Variants in ICA1L observed in about 807,000 individuals in gnomAD.
ICA1L encodes the protein islet cell autoantigen 1-like protein.
ICA1L carries 50 observed loss-of-function variants against 61.3 expected under a neutral mutation model. The observed-to-expected ratio is 0.82, with a 90% CI of 0.65 to 1.03. The LOEUF is 1.03. Among genes scored for constraint, ICA1L ranks in the 50% least tolerant of loss-of-function variants. The pLI is 0.00. For missense variants in ICA1L, 508 were observed against 556.7 expected, an observed-to-expected ratio of 0.91 and a Z score of 0.88; for synonymous variants, 161 against 191.3, an observed-to-expected ratio of 0.84 and a Z score of 1.31.
chr2:202,851,215 A>T (rs1357756869), intron 1 of ICA1L, among the ~76,000 whole-genome samples: 1 of 151,104 alleles, frequency 6.6e-6, no homozygotes, highest in Non-Finnish European at 1.5e-5. Flanking sequence ...CCTGTGACCA[A>T]GTGTTCTCAT....
intron 9 of ICA1L, among the ~76,000 whole-genome samples, chr2:202,806,841 C>A (rs1462295982): frequency 2.6e-5 from 4 of 152,036 alleles, no homozygotes; most frequent in Admixed American, 2.6e-4. Flanking sequence ...AGCCAGGATC[C>A]AAACTCAGAT....
chr2:202,848,294 A>G (rs1694521835), intron 1 of ICA1L, among the ~76,000 whole-genome samples: 1 of 152,152 alleles, frequency 6.6e-6, no homozygotes. Context: ...TTGGTTGACT[A>G]TGTGAAAGTG....
Position 202,774,074 on chromosome 2 carries a change from A to G in ICA1L, c.*5459T>C, listed in dbSNP as rs1574313152. The G allele has an allele frequency of 1.7e-5, 17 of 1,011,662 alleles. No homozygotes were observed. The East Asian group carries it at 4.2e-4, about 25-fold the overall frequency. 62.7% of individuals were successfully genotyped at this position (1,011,662 alleles called of 1,614,324 possible). A position where few individuals can be genotyped will look rare whatever the true frequency, so the allele number is the denominator to read the frequency against. On this transcript the variant is annotated 3_prime_UTR_variant, in exon 13 of 13. Transcript: ENST00000358299. The stretch of plus-strand genomic sequence containing the variant: ...CTTTGATGTGTCATCCTAGCTGCCT[A>G]ATATGATAATATTAGGAATCCCATC...
intron 1 of ICA1L, among the ~76,000 whole-genome samples, chr2:202,859,893 A>C (rs1694864843): frequency 6.6e-6 from 1 of 152,194 alleles, no homozygotes; most frequent in African/African-American, 2.4e-5. Flanking sequence ...AGAAAGCTAA[A>C]AATGGCAGGT....
chr2:202,868,057 TG>T (rs1687572508), intron 1 of ICA1L, among the ~76,000 whole-genome samples: 1 of 152,026 alleles, frequency 6.6e-6, no homozygotes, highest in Non-Finnish European at 1.5e-5. Context: ...TATGGGGTGA[TG>T]AAAAAGTTTT....
intron 12 of ICA1L, 96 bp downstream of exon 12, chr2:202,785,822 G>A: frequency 1.6e-6 from 1 of 638,262 alleles, no homozygotes; most frequent in Non-Finnish European, 2.7e-6. Context: ...TCAGGACAAT[G>A]AGGTGAAAAC....
rs1181279467 is a variant in ICA1L, at chr2:202,849,161, C to G, written c.-7-20145G>C. Among the ~76,000 whole-genome samples, 1 of 152,172 alleles carries G rather than the reference C, an allele frequency of 6.6e-6. No individual in the cohort carries two copies. The highest frequency in any genetic ancestry group is 1.5e-5 in the Non-Finnish European group (1 of 68,030). On this transcript the variant is annotated intron_variant, in intron 1 of 12. Transcript: ENST00000358299. This position sits in a 1 kb window ranked among gnomAD's most constrained non-coding sequence, Gnocchi z 4.5. Reference sequence around the variant, plus strand: ...AAGATTCCCACATGTGCCTATACCACCAGGGCCCTGGGTTTCAAGCACAAA... The same window carrying G: ...AAGATTCCCACATGTGCCTATACCAGCAGGGCCCTGGGTTTCAAGCACAAA...
At chr2:202,779,680 G>T (rs1389747948) in intron 12 of ICA1L, 32 bp from the exon 13 acceptor site, 3 of 1,252,894 alleles carry the variant, frequency 2.4e-6, no homozygotes, top group African/African-American at 1.5e-5. Flanking sequence ...ACATTAAAGA[G>T]ATTCAGTTTT....
At chr2:202,795,026 G>A (rs1253643697) in intron 10 of ICA1L, among the ~76,000 whole-genome samples, 9 of 149,076 alleles carry the variant, frequency 6.0e-5, no homozygotes, top group Non-Finnish European at 1.0e-4. Flanking sequence ...AAAGGAGGGG[G>A]GATTCTAGCC....
At chr2:202,818,218 A>AG (rs764689891) in intron 5 of ICA1L, among the ~76,000 whole-genome samples, 22 of 152,360 alleles carry the variant, frequency 1.4e-4, no homozygotes, top group Admixed American at 2.0e-4. Flanking sequence ...AAATGAGTGA[A>AG]GGATGACATG....
intron 8 of ICA1L, among the ~76,000 whole-genome samples, chr2:202,814,443 A>G (rs1188785560): frequency 1.3e-5 from 2 of 152,158 alleles, no homozygotes; most frequent in African/African-American, 4.8e-5. Flanking sequence ...TAAAGCCCTC[A>G]CCAGAAACCA....
At chr2:202,843,960 G>A (rs1203053936) in intron 1 of ICA1L, among the ~76,000 whole-genome samples, 1 of 152,136 alleles carries the variant, frequency 6.6e-6, no homozygotes, top group Non-Finnish European at 1.5e-5. Context: ...CTTATCAGAA[G>A]CAATGAATGT....
At chr2:202,781,633 C>CCCTT (rs542975602) in intron 12 of ICA1L, among the ~76,000 whole-genome samples, 88 of 151,956 alleles carry the variant, frequency 5.8e-4, no homozygotes, top group South Asian at 1.0e-3. Context: ...TACCCTGACA[C>CCCTT]CCTTCCAGTC....
intron 1 of ICA1L, among the ~76,000 whole-genome samples, chr2:202,831,467 C>A (rs1393664848): frequency 6.6e-6 from 1 of 152,210 alleles, no homozygotes; most frequent in African/African-American, 2.4e-5. Context: ...AGCAGTCCAA[C>A]TATATGACAA....
chr2:202,862,309 C>G (rs1485363016), intron 1 of ICA1L, among the ~76,000 whole-genome samples: 2 of 120,744 alleles, frequency 1.7e-5, no homozygotes, highest in African/African-American at 6.6e-5. Flanking sequence ...AAAAAAAGGC[C>G]AGAAGTGCTG....
At position 202,811,726 on chromosome 2, in the gene ICA1L, T is replaced by G; in HGVS notation, c.910+20A>C. 2 of 1,526,508 alleles carry G rather than the reference T, an allele frequency of 1.3e-6. No homozygotes were observed. Among genetic ancestry groups the G allele is most frequent in the Non-Finnish European group, 1.8e-6 (2 of 1,108,322 alleles). 94.6% of individuals were successfully genotyped at this position (1,526,508 alleles called of 1,614,324 possible). A position where few individuals can be genotyped will look rare whatever the true frequency, so the allele number is the denominator to read the frequency against. ...CATTTAAAATGTGACCATTTCAAAG[T>G]AATAAATTTACCATCTTACCTTGTT... On this transcript the variant is annotated intron_variant, in intron 9 of 12. Transcript: ENST00000358299.
At chr2:202,807,171 C>G (rs1462033841) in intron 9 of ICA1L, among the ~76,000 whole-genome samples, 2 of 152,212 alleles carry the variant, frequency 1.3e-5, no homozygotes, top group African/African-American at 2.4e-5. Flanking sequence ...TGAGAGATCA[C>G]AGTACCTGGT....
At position 202,778,478 on chromosome 2, in the gene ICA1L, C is replaced by G. The variant is rs148892370; in HGVS notation, c.*1055G>C. On this transcript the variant is annotated 3_prime_UTR_variant, in exon 13 of 13. Coordinates refer to ENST00000358299, the MANE Select transcript of ICA1L (RefSeq NM_001288622.3). ...AAGAGGGAAGTAGAAAAATGAGACA[C>G]TCCCTTATTGATCACACAGAGCTTT... The G allele has an allele frequency of 6.6e-6, 1 of 152,150 alleles. No homozygotes were observed. Among genetic ancestry groups the G allele is most frequent in the Non-Finnish European group, 1.5e-5 (1 of 68,014 alleles). The allele number at this position is 152,150 out of a possible 1,614,324, so 9.4% of individuals were successfully genotyped here. A position where few individuals can be genotyped will look rare whatever the true frequency, so the allele number is the denominator to read the frequency against.
intron 11 of ICA1L, among the ~76,000 whole-genome samples, chr2:202,787,554 A>G (rs551390439): frequency 4.6e-5 from 7 of 152,334 alleles, no homozygotes; most frequent in Admixed American, 3.3e-4. Context: ...TATTCAATCA[A>G]TTCTTACTGA....
Sources: allele counts gnomAD v4.1 joint callset (sites outside exome capture counted in the v4.1 genomes callset), GRCh38; gene constraint gnomAD v4.1.1; non-coding constraint Gnocchi (gnomAD v3.1); transcripts MANE v1.5; gene names NCBI Gene and HGNC (gene_info 2026-07-23, HGNC 2026-07-21).